Variants in OTOGL observed in about 807,000 individuals in gnomAD.
OTOGL encodes the protein otogelin-like protein.
OTOGL carries 285 observed loss-of-function variants against 318.5 expected under a neutral mutation model. The ratio of observed to expected loss-of-function variants is 0.89; its 90% CI spans 0.81 to 0.99. The LOEUF (loss-of-function observed/expected upper bound fraction) is 0.99. OTOGL is among the 50% of genes least tolerant of loss of function. The pLI is 0.00. For synonymous variants in OTOGL, 987 were observed against 936.5 expected (o/e 1.05, Z -0.99); for missense variants, 2,899 against 2,845.6 (o/e 1.02, Z -0.43).
intron 4 of OTOGL, among the ~76,000 whole-genome samples, chr12:80,216,940 A>C (rs1164476482): frequency 6.6e-6 from 1 of 152,192 alleles, no homozygotes; most frequent in African/African-American, 2.4e-5. Flanking sequence ...TAAAACTTAA[A>C]GTATAATAAT....
chr12:80,285,325 T>C (rs1274057793), intron 26 of OTOGL, among the ~76,000 whole-genome samples: 1 of 152,170 alleles, frequency 6.6e-6, no homozygotes, highest in African/African-American at 2.4e-5. Flanking sequence ...GTCTCCAGCT[T>C]TGTTCCTTTT....
chr12:80,157,971 T>G (rs1395181678), intron 1 of OTOGL, among the ~76,000 whole-genome samples: 1 of 152,280 alleles, frequency 6.6e-6, no homozygotes, highest in Middle Eastern at 3.4e-3. Flanking sequence ...TGAAAAAAAT[T>G]TTTAATCTAG....
intron 1 of OTOGL, among the ~76,000 whole-genome samples, chr12:80,157,074 C>G (rs1188805898): frequency 1.3e-5 from 2 of 152,074 alleles, no homozygotes; most frequent in East Asian, 1.9e-4. Flanking sequence ...GCAAGGGTTC[C>G]CTTTTCTCCA....
intron 1 of OTOGL, among the ~76,000 whole-genome samples, chr12:80,164,863 A>T (rs930777704): frequency 1.3e-5 from 2 of 152,144 alleles, no homozygotes; most frequent in Non-Finnish European, 2.9e-5. Context: ...TAATTGGCTC[A>T]TGGTTCTGCA....
intron 1 of OTOGL, among the ~76,000 whole-genome samples, chr12:80,167,181 G>T (rs1298845446): frequency 1.3e-5 from 2 of 152,050 alleles, no homozygotes; most frequent in African/African-American, 2.4e-5. Context: ...CAGTCACGGA[G>T]TTGGAAAAGA....
intron 26 of OTOGL, among the ~76,000 whole-genome samples, chr12:80,285,307 A>C (rs1390402487): frequency 6.6e-6 from 1 of 152,176 alleles, no homozygotes; most frequent in African/African-American, 2.4e-5. Context: ...GCAGTCAGGT[A>C]GCATGATGTC....
At chr12:80,314,250 C>T in intron 31 of OTOGL, 55 bp from the exon 32 acceptor site, 1 of 616,146 alleles carries the variant, frequency 1.6e-6, no homozygotes, top group Non-Finnish European at 2.4e-6. Flanking sequence ...TGCCCACATT[C>T]AGATAAGTGA....
At chr12:80,291,968 CT>C (rs1413909137) in intron 26 of OTOGL, among the ~76,000 whole-genome samples, 1 of 151,654 alleles carries the variant, frequency 6.6e-6, no homozygotes, top group African/African-American at 2.4e-5. Context: ...TCTTTTTTTT[CT>C]TTTTCTTTTC....
chr12:80,344,189 T>G (rs896811000), intron 44 of OTOGL, among the ~76,000 whole-genome samples: 1 of 152,222 alleles, frequency 6.6e-6, no homozygotes, highest in African/African-American at 2.4e-5. Context: ...AGCAAACACT[T>G]TAAAACTCAT....
intron 26 of OTOGL, among the ~76,000 whole-genome samples, chr12:80,293,467 A>G (rs993910418): frequency 1.3e-5 from 2 of 152,080 alleles, no homozygotes; most frequent in Non-Finnish European, 2.9e-5. Context: ...GAAGGTGTCA[A>G]CTGAAGGGTG....
chr12:80,324,860 A>G (rs1210258131), intron 35 of OTOGL, among the ~76,000 whole-genome samples: 2 of 152,194 alleles, frequency 1.3e-5, no homozygotes, highest in South Asian at 2.1e-4. Context: ...AAATGATTTG[A>G]TCTAATAGAA....
At position 80,239,558 on chromosome 12, in the gene OTOGL, A is replaced by G. The variant is rs12298611; in HGVS notation, c.1052+119A>G. Reference sequence around the variant, plus strand: ...CAAAATATTATGGGAAATGTAAAATATAAACTGCAAACAGCTATTAAAAGT... The same window carrying G: ...CAAAATATTATGGGAAATGTAAAATGTAAACTGCAAACAGCTATTAAAAGT... On this transcript the variant is annotated intron_variant, in intron 11 of 58. Transcript: ENST00000547103. 9,930 of 692,378 alleles carry G rather than the reference A, an allele frequency of 0.014. 771 individuals carry two copies. In the African/African-American group the frequency reaches 0.16, roughly 11 times the overall value. The allele number at this position is 692,378 out of a possible 1,614,324, so 42.9% of individuals were successfully genotyped here. A position where few individuals can be genotyped will look rare whatever the true frequency, so the allele number is the denominator to read the frequency against.
intron 1 of OTOGL, among the ~76,000 whole-genome samples, chr12:80,152,211 A>T (rs950138659): frequency 6.6e-6 from 1 of 152,144 alleles, no homozygotes; most frequent in African/African-American, 2.4e-5. Context: ...GGGTGATAAA[A>T]TACTGGCTCT....
rs182548010 is a variant in OTOGL, at chr12:80,296,908, T to C, written c.3010T>C (p.Leu1004=). 1.6e-4 allele frequency: 252 copies of C among 1,545,744 alleles called. No homozygotes were observed. In the African/African-American group the frequency reaches 2.9e-3, roughly 18 times the overall value. The change falls in exon 27 of 59, where the codon TTG becomes CTG. Residue 1004 remains leucine, a synonymous_variant. Coordinates refer to ENST00000547103, the MANE Select transcript of OTOGL (RefSeq NM_001378609.3). ...DNDIVCSKSV[L]ISVGDTEIYL... is the part of the protein sequence containing the mutation. ...CGATATTGTTTGTTCTAAAAGTGTT[T>C]TGATTTCAGTTGGGGACACTGAAAT...
intron 1 of OTOGL, among the ~76,000 whole-genome samples, chr12:80,113,463 A>T (rs1377698301): frequency 1.3e-5 from 2 of 151,980 alleles, no homozygotes; most frequent in Non-Finnish European, 2.9e-5. Flanking sequence ...CTTTTTTCTC[A>T]TTGGTTTCAA....
At chr12:80,183,303 C>T (rs188433650) in intron 1 of OTOGL, among the ~76,000 whole-genome samples, 55 of 152,218 alleles carry the variant, frequency 3.6e-4, no homozygotes, top group African/African-American at 1.1e-3. Flanking sequence ...AATTCAAGGG[C>T]TTGTGATTTA....
intron 26 of OTOGL, among the ~76,000 whole-genome samples, chr12:80,286,371 G>A (rs1305280427): frequency 9.2e-5 from 14 of 152,176 alleles, no homozygotes; most frequent in African/African-American, 3.4e-4. Context: ...TTGGTATCAG[G>A]ATGATGCTGT....
intron 52 of OTOGL, among the ~76,000 whole-genome samples, chr12:80,364,169 ATCT>A (rs1190098831): frequency 6.6e-6 from 1 of 152,168 alleles, no homozygotes; most frequent in Non-Finnish European, 1.5e-5. Flanking sequence ...ATCCTTGAAC[ATCT>A]TACCCAAATA....
chr12:80,287,142 A>AT (rs201505789), intron 26 of OTOGL, among the ~76,000 whole-genome samples: 3,584 of 151,716 alleles, frequency 0.024, 271 homozygotes, highest in African/African-American at 0.083. Context: ...TTCTGTCTTA[A>AT]TTTAGTTATT....
Sources: gnomAD v4.1 joint callset for allele counts (sites outside exome capture counted in the v4.1 genomes callset) on GRCh38, gnomAD v4.1.1 for gene constraint, MANE v1.5 for transcripts, NCBI Gene and HGNC (gene_info 2026-07-23, HGNC 2026-07-21) for gene names.